Variants in PBX1 observed in about 807,000 individuals in gnomAD.
The protein encoded by PBX1 is pre-B-cell leukemia transcription factor 1.
A neutral mutation model predicts 53.4 loss-of-function variants in PBX1; 6 were observed. The observed-to-expected ratio is 0.11, with a 90% confidence interval of 0.06 to 0.22. The LOEUF is 0.22. Among genes scored for constraint, PBX1 ranks in the 10% least tolerant of loss-of-function variants. PBX1 has a pLI of 1.00. For missense variants in PBX1, 251 were observed against 551.4 expected (o/e 0.46, Z 5.46); for synonymous variants, 204 against 212.3 (o/e 0.96, Z 0.34).
chr1:164,861,909 G>A (rs894966521), intron 2 of PBX1, among the ~76,000 whole-genome samples: 10 of 152,200 alleles, frequency 6.6e-5, no homozygotes, highest in Admixed American at 5.2e-4. Context: ...GAGAAAGTGA[G>A]GGGAAGACTG....
At chr1:164,862,328 C>A (rs1222567277) in intron 2 of PBX1, among the ~76,000 whole-genome samples, 2 of 152,178 alleles carry the variant, frequency 1.3e-5, no homozygotes, top group African/African-American at 4.8e-5. Context: ...AGTGCCAATG[C>A]CACTCATTCC....
intron 2 of PBX1, among the ~76,000 whole-genome samples, chr1:164,867,685 G>A (rs968245542): frequency 6.6e-6 from 1 of 152,228 alleles, no homozygotes; most frequent in Non-Finnish European, 1.5e-5. Context: ...AGATACCCAG[G>A]AAGAAAGGGA....
In PBX1 at chr1:164,792,735, G is replaced by A. The variant is rs1048843231; in HGVS notation, c.507G>A (p.Glu169=). 1.2e-6 allele frequency: 2 copies of A among 1,600,246 alleles called. No individual in the cohort carries two copies. The highest frequency in any genetic ancestry group is 1.7e-6 in the Non-Finnish European group (2 of 1,170,720). ...QIYHTELEKY[E]QACNEFTTHV... ...ACCATACGGAGCTGGAGAAATACGA[G>A]CAGGTAACCAGAACCACCTGGGGCT... Residue 169 remains glutamate (E), a synonymous_variant, in exon 3 of 9, where the codon GAG becomes GAA. Transcript: ENST00000420696.
At chr1:164,570,142 C>G (rs1401787331) in intron 2 of PBX1, among the ~76,000 whole-genome samples, 1 of 152,200 alleles carries the variant, frequency 6.6e-6, no homozygotes, top group Non-Finnish European at 1.5e-5. Flanking sequence ...ATCCATTCAA[C>G]TTGCAAAGTT....
intron 2 of PBX1, among the ~76,000 whole-genome samples, chr1:164,631,395 A>G (rs569367427): frequency 6.6e-6 from 1 of 152,258 alleles, no homozygotes; most frequent in African/African-American, 2.4e-5. Context: ...TTCAAGTAAT[A>G]AAAGCATGGG....
chr1:164,811,706 C>T (rs975289180), intron 5 of PBX1, among the ~76,000 whole-genome samples: 14 of 152,128 alleles, frequency 9.2e-5, no homozygotes, highest in Non-Finnish European at 1.3e-4. Flanking sequence ...AATGCTTGCT[C>T]TAAATTAAAA....
chr1:164,784,045 TA>T, intron 2 of PBX1, among the ~76,000 whole-genome samples: 1 of 152,362 alleles, frequency 6.6e-6, no homozygotes, highest in South Asian at 2.1e-4. Flanking sequence ...TCATGCTTTT[TA>T]TGTGTAACTA....
intron 2 of PBX1, among the ~76,000 whole-genome samples, chr1:164,634,792 C>T (rs900077143): frequency 6.6e-6 from 1 of 152,144 alleles, no homozygotes; most frequent in African/African-American, 2.4e-5. Flanking sequence ...TGATTACTCT[C>T]AGTTATTTCC....
chr1:164,615,322 A>G (rs1025826142), intron 2 of PBX1, among the ~76,000 whole-genome samples: 5 of 152,188 alleles, frequency 3.3e-5, no homozygotes, highest in Non-Finnish European at 7.3e-5. Flanking sequence ...TAACCTTTCA[A>G]ATAACCACAA....
At chr1:164,883,583 AT>A (rs897934634) in intron 2 of PBX1, among the ~76,000 whole-genome samples, 2 of 152,024 alleles carry the variant, frequency 1.3e-5, no homozygotes, top group African/African-American at 4.8e-5. Flanking sequence ...TTATTGATAG[AT>A]TTTTTTTAAG....
At chr1:164,810,619 C>A (rs765916198) in intron 5 of PBX1, among the ~76,000 whole-genome samples, 4 of 152,050 alleles carry the variant, frequency 2.6e-5, no homozygotes, top group Non-Finnish European at 4.4e-5. Flanking sequence ...CTTTTCCTAT[C>A]CCATAAATCA....
chr1:164,578,758 A>G (rs1057202905), intron 2 of PBX1, among the ~76,000 whole-genome samples: 1 of 152,206 alleles, frequency 6.6e-6, no homozygotes, highest in African/African-American at 2.4e-5. Flanking sequence ...ATGCAGAAGC[A>G]TGCTTTCTTT....
At chr1:164,879,631 G>C (rs1265870818) in intron 2 of PBX1, among the ~76,000 whole-genome samples, 1 of 152,168 alleles carries the variant, frequency 6.6e-6, no homozygotes, top group Non-Finnish European at 1.5e-5. Context: ...CACTGGATGG[G>C]ATCACCAAGG....
chr1:164,822,606 A>G (rs886431039), intron 8 of PBX1, among the ~76,000 whole-genome samples: 8 of 152,230 alleles, frequency 5.3e-5, no homozygotes, highest in Non-Finnish European at 1.2e-4. Context: ...GTCAAGTCAT[A>G]CATGATTCTG....
intron 2 of PBX1, among the ~76,000 whole-genome samples, chr1:164,591,401 G>A (rs1481743616): frequency 1.3e-5 from 2 of 152,126 alleles, no homozygotes; most frequent in African/African-American, 4.8e-5. Flanking sequence ...TTGATAATGT[G>A]GATTCTAAAT....
chr1:164,764,640 A>G (rs999717279), intron 2 of PBX1, among the ~76,000 whole-genome samples: 1 of 151,800 alleles, frequency 6.6e-6, no homozygotes, highest in African/African-American at 2.4e-5. Flanking sequence ...TTTCAGCTGC[A>G]TTTTTTCTTT....
intron 2 of PBX1, among the ~76,000 whole-genome samples, chr1:164,585,970 TTCATTCAG>T (rs1263534486): frequency 6.6e-6 from 1 of 152,224 alleles, no homozygotes; most frequent in Non-Finnish European, 1.5e-5. Context: ...CATTCATTCA[TTCATTCAG>T]ATATTCAACA....
At chr1:164,689,964 G>T (rs1662364637) in intron 2 of PBX1, among the ~76,000 whole-genome samples, 3 of 152,018 alleles carry the variant, frequency 2.0e-5, no homozygotes. Flanking sequence ...TTTCTTTATG[G>T]CTTATGGCAA....
intron 2 of PBX1, among the ~76,000 whole-genome samples, chr1:164,599,070 G>GGTTTT (rs746324006): frequency 2.6e-5 from 1 of 38,226 alleles, no homozygotes; most frequent in African/African-American, 1.0e-4. Context: ...TTTTCCTCCT[G>GGTTTT]ATTTTTTTTT....
Sources: allele counts gnomAD v4.1 joint callset (sites outside exome capture counted in the v4.1 genomes callset), GRCh38; gene constraint gnomAD v4.1.1; transcripts MANE v1.5; gene names NCBI Gene and HGNC (gene_info 2026-07-23, HGNC 2026-07-21).